PCBP3: variants seen among roughly 807,000 people sequenced by gnomAD.
PCBP3 encodes the protein poly(rC)-binding protein 3.
PCBP3 carries 25 observed loss-of-function variants against 52.7 expected under a neutral mutation model. The ratio of observed to expected loss-of-function variants is 0.47; its 90% CI spans 0.35 to 0.66. PCBP3 has a LOEUF of 0.66. PCBP3 is among the 30% of genes least tolerant of loss of function. The pLI, the probability that PCBP3 is intolerant of heterozygous loss-of-function variation, is 0.01. For missense variants in PCBP3, 391 were observed against 490.3 expected (o/e 0.80, Z 1.91); for synonymous variants, 162 against 183.0 (o/e 0.89, Z 0.93).
intron 5 of PCBP3, among the ~76,000 whole-genome samples, chr21:45,892,527 G>A (rs80198040): frequency 9.0e-5 from 9 of 99,980 alleles, no homozygotes; most frequent in East Asian, 5.0e-4. Context: ...CCCGTCTCTC[G>A]CGGGGCTTCA....
rs34223052 is a variant in PCBP3, at chr21:45,805,182, C to A, written c.-125-44779C>A. 0.053 allele frequency among the ~76,000 whole-genome samples: 8,027 copies of A among 152,282 alleles called. 286 individuals are homozygous for A. The highest frequency in any genetic ancestry group is 0.082 in the Non-Finnish European group (5,555 of 67,994). On this transcript the variant is annotated intron_variant, in intron 4 of 17. Coordinates refer to ENST00000681687, the MANE Select transcript of PCBP3 (RefSeq NM_001384156.1). The surrounding 1 kb of genome is among the most constrained non-coding windows in gnomAD (Gnocchi z 4.6). ...TTCCTAGCCGGGCACTATGCCACAG[C>A]CACACCCCTGTGGCCTGGCCCCCAT...
At chr21:45,891,660 G>C (rs867421607) in intron 5 of PCBP3, among the ~76,000 whole-genome samples, 4 of 152,154 alleles carry the variant, frequency 2.6e-5, no homozygotes, top group African/African-American at 7.2e-5. Flanking sequence ...GGGTATACAC[G>C]GGCAAGATTG....
At position 45,913,994 on chromosome 21, in the gene PCBP3, C is replaced by A; in HGVS notation, c.644C>A (p.Ala215Asp). 1 of 1,613,804 alleles carries A rather than the reference C, an allele frequency of 6.2e-7. No homozygotes were observed. Among genetic ancestry groups the A allele is most frequent in the Non-Finnish European group, 8.5e-7 (1 of 1,179,900 alleles). Reference protein sequence around the residue: ...GATIPYRPKPASTPVIFAGGQ... With the variant: ...GATIPYRPKPDSTPVIFAGGQ... Reference sequence around the variant, plus strand: ...ACCATTCCCTACCGCCCAAAGCCCGCCTCCACCCCTGTCATTTTTGCAGGT... The same window carrying A: ...ACCATTCCCTACCGCCCAAAGCCCGACTCCACCCCTGTCATTTTTGCAGGT... Residue 215 changes from alanine to aspartate, a missense_variant, in exon 12 of 18, where the codon GCC becomes GAC. By Grantham distance (126) the Ala-to-Asp change is moderately radical. Coordinates refer to ENST00000681687, the MANE Select transcript of PCBP3 (RefSeq NM_001384156.1).
chr21:45,706,143 T>C (rs2083436870), intron 2 of PCBP3, among the ~76,000 whole-genome samples: 1 of 152,212 alleles, frequency 6.6e-6, no homozygotes, highest in South Asian at 2.1e-4. Context: ...ACAAACTTTC[T>C]CCTCCTGGAG....
intron 5 of PCBP3, among the ~76,000 whole-genome samples, chr21:45,892,176 G>C (rs1328853605): frequency 6.6e-6 from 1 of 152,172 alleles, no homozygotes; most frequent in Non-Finnish European, 1.5e-5. Context: ...GGTGGGCGCT[G>C]TCACAGCGTT....
chr21:45,812,995 A>G (rs1198823309), intron 4 of PCBP3, among the ~76,000 whole-genome samples: 1 of 152,014 alleles, frequency 6.6e-6, no homozygotes, highest in African/African-American at 2.4e-5. Context: ...ATGTGTGTGT[A>G]TATGGTTTTC....
chr21:45,759,248 T>A (rs1203384648), intron 4 of PCBP3, among the ~76,000 whole-genome samples: 2 of 152,234 alleles, frequency 1.3e-5, no homozygotes, highest in Admixed American at 1.3e-4. Flanking sequence ...TTTATCTTTC[T>A]TAAATTGTTT....
chr21:45,892,475 G>C (rs145298077), intron 5 of PCBP3, among the ~76,000 whole-genome samples: 12 of 141,736 alleles, frequency 8.5e-5, no homozygotes, highest in South Asian at 2.2e-4. Flanking sequence ...GGGCGTGGGG[G>C]GGGGGGCGGT....
chr21:45,655,910 C>T (rs531131882), intron 1 of PCBP3, among the ~76,000 whole-genome samples: 1 of 152,298 alleles, frequency 6.6e-6, no homozygotes, highest in African/African-American at 2.4e-5. Flanking sequence ...CATAACTGGT[C>T]ATTAGAGAAA....
intron 4 of PCBP3, among the ~76,000 whole-genome samples, chr21:45,818,167 T>C (rs1050254010): frequency 4.1e-4 from 62 of 152,108 alleles, no homozygotes; most frequent in African/African-American, 1.3e-3. Context: ...GGACTACAGG[T>C]GCGTGCCACC....
At chr21:45,939,729 C>G (rs1024786085) in intron 16 of PCBP3, among the ~76,000 whole-genome samples, 1 of 152,216 alleles carries the variant, frequency 6.6e-6, no homozygotes, top group Non-Finnish European at 1.5e-5. Flanking sequence ...GTGGAGCACC[C>G]AGGCCGAGTG....
intron 4 of PCBP3, among the ~76,000 whole-genome samples, chr21:45,814,577 GGTGAGTGATGAGTGGTGA>G (rs2092786767): frequency 2.9e-5 from 4 of 136,376 alleles, no homozygotes; most frequent in Non-Finnish European, 4.7e-5. Flanking sequence ...AGTGGTGAGT[GGTGAGTGATGAGTGGTGA>G]GTGAGTGATG....
chr21:45,860,795 C>T (rs2148434984), intron 5 of PCBP3, among the ~76,000 whole-genome samples: 1 of 152,352 alleles, frequency 6.6e-6, no homozygotes, highest in East Asian at 1.9e-4. Flanking sequence ...CGGCAGCGAC[C>T]CCTCCCCTGA....
At chr21:45,872,744 G>T (rs1363197848) in intron 5 of PCBP3, 1 of 151,992 alleles carries the variant, frequency 6.6e-6, no homozygotes, top group African/African-American at 2.4e-5. Context: ...GGCTGTCTGT[G>T]CCTGGCGCGT....
intron 3 of PCBP3, chr21:45,752,968 CAAAAA>C (rs5844247): frequency 3.0e-5 from 2 of 65,990 alleles, no homozygotes; most frequent in Non-Finnish European, 2.8e-5. Flanking sequence ...CCTGTCTCTC[CAAAAA>C]AAAAAAAAAA....
chr21:45,782,412 C>CTAGA (rs149032686), intron 4 of PCBP3, among the ~76,000 whole-genome samples: 3,138 of 152,216 alleles, frequency 0.021, 115 homozygotes, highest in African/African-American at 0.072. Flanking sequence ...TAATAATTTA[C>CTAGA]TAGACATGCC....
At chr21:45,834,230 A>G (rs1887598363) in intron 4 of PCBP3, among the ~76,000 whole-genome samples, 3 of 152,212 alleles carry the variant, frequency 2.0e-5, no homozygotes, top group Admixed American at 2.0e-4. Context: ...GATGCCGCAC[A>G]GTGCCTGGAG....
At chr21:45,706,961 G>A (rs1275666346) in intron 2 of PCBP3, among the ~76,000 whole-genome samples, 1 of 152,174 alleles carries the variant, frequency 6.6e-6, no homozygotes, top group Non-Finnish European at 1.5e-5. Context: ...AAAATCTCTT[G>A]GTTATGAGGC....
intron 2 of PCBP3, among the ~76,000 whole-genome samples, chr21:45,733,461 G>A (rs978928165): frequency 6.6e-6 from 1 of 151,556 alleles, no homozygotes; most frequent in Non-Finnish European, 1.5e-5. Context: ...TAATTTTTTT[G>A]TGTGTATTTT....
Sources: allele counts gnomAD v4.1 joint callset (sites outside exome capture counted in the v4.1 genomes callset), GRCh38; gene constraint gnomAD v4.1.1; non-coding constraint Gnocchi (gnomAD v3.1); transcripts MANE v1.5; gene names NCBI Gene and HGNC (gene_info 2026-07-23, HGNC 2026-07-21).